The following CNTNAP3B variants were observed in gnomAD, a reference collection of about 807,000 sequenced individuals.
The protein encoded by CNTNAP3B is contactin associated protein family member 3B.
In CNTNAP3B, 25 loss-of-function variants were observed where a neutral mutation model predicts 108.9. The observed-to-expected ratio is 0.23, with a 90% CI of 0.17 to 0.32. The LOEUF is 0.32. CNTNAP3B is among the 10% of genes least tolerant of loss of function. The pLI is 1.00. For synonymous variants in CNTNAP3B, 103 were observed against 473.4 expected (o/e 0.22, Z 10.16); for missense variants, 252 against 1,210.4 (o/e 0.21, Z 11.75).
intron 13 of CNTNAP3B, among the ~76,000 whole-genome samples, chr9:41,943,872 T>C (rs1374273107): frequency 6.6e-6 from 1 of 152,276 alleles, no homozygotes; most frequent in Non-Finnish European, 1.5e-5. Context: ...CATATTCAAA[T>C]TGCAAAAAAT....
chr9:41,955,608 G>T (rs1824833287), intron 12 of CNTNAP3B, among the ~76,000 whole-genome samples: 1 of 152,210 alleles, frequency 6.6e-6, no homozygotes, highest in Non-Finnish European at 1.5e-5. Context: ...ATAGTTTACT[G>T]CAGCCTCGAC....
At chr9:41,921,111 G>T (rs1403657869) in intron 17 of CNTNAP3B, among the ~76,000 whole-genome samples, 4 of 152,308 alleles carry the variant, frequency 2.6e-5, no homozygotes, top group Non-Finnish European at 2.9e-5. Context: ...GGCCTAAGGT[G>T]GGGGCCCCAA....
At chr9:42,112,911 C>A (rs1211346628) in intron 1 of CNTNAP3B, among the ~76,000 whole-genome samples, 1 of 125,866 alleles carries the variant, frequency 7.9e-6, no homozygotes, top group Non-Finnish European at 1.6e-5. Context: ...GCCCTGTCGC[C>A]CAGGCTAAAT....
intron 13 of CNTNAP3B, among the ~76,000 whole-genome samples, chr9:41,945,180 AG>A (rs1306939656): frequency 6.6e-6 from 1 of 152,186 alleles, no homozygotes; most frequent in Non-Finnish European, 1.5e-5. Flanking sequence ...ACTGTAAACT[AG>A]TTCAACCATT....
chr9:41,955,748 C>A (rs1309160648), intron 12 of CNTNAP3B, among the ~76,000 whole-genome samples: 4 of 152,296 alleles, frequency 2.6e-5, no homozygotes, highest in Admixed American at 2.6e-4. Context: ...AGGAGGGTAA[C>A]TGTAACACGT....
chr9:42,056,505 C>T (rs1441806927), intron 3 of CNTNAP3B, among the ~76,000 whole-genome samples: 9 of 137,506 alleles, frequency 6.5e-5, no homozygotes, highest in African/African-American at 2.6e-4. Flanking sequence ...CGCCCGCCAC[C>T]ACACCTGGCT....
chr9:42,122,062 C>A (rs1189640729), intron 1 of CNTNAP3B, among the ~76,000 whole-genome samples: 2 of 139,868 alleles, frequency 1.4e-5, no homozygotes, highest in Admixed American at 7.1e-5. Flanking sequence ...AAGTGAGGAG[C>A]CCTGAGCTTA....
rs1320655037 is a variant in CNTNAP3B at position 42,097,726 on chromosome 9, C to T, written c.196+6903G>A. 5.2e-5 allele frequency among the ~76,000 whole-genome samples: 7 copies of T among 135,750 alleles called. No individual in the cohort carries two copies. The South Asian group carries it at 7.2e-4, about 14-fold the overall frequency. 89.1% of individuals were successfully genotyped at this position (135,750 alleles called of 152,430 possible). A position where few individuals can be genotyped will look rare whatever the true frequency, so the allele number is the denominator to read the frequency against. ...CAAAATTTACTAGACCACCTTCTTA[C>T]GTATGGCAGTGGGCATTAGGTGGCT... On this transcript the variant is annotated intron_variant, in intron 2 of 23. Transcript: ENST00000377561.
intron 1 of CNTNAP3B, among the ~76,000 whole-genome samples, chr9:42,119,318 T>G (rs1296277836): frequency 5.4e-5 from 7 of 128,882 alleles, no homozygotes; most frequent in South Asian, 5.2e-4. Context: ...CACTGCTCAA[T>G]GAAATAAAAG....
In CNTNAP3B at chr9:42,117,929, A is replaced by G. The variant is rs1475799125; in HGVS notation, c.85+11081T>C. On this transcript the variant is annotated intron_variant, in intron 1 of 23. Transcript: ENST00000377561. ...ACAAATAAACTAGAAAATCTAGAAG[A>G]AATGGATAAATTCCTCGACACATAC... Among the ~76,000 whole-genome samples the G allele has an allele frequency of 9.3e-5, 13 of 139,452 alleles. 3 individuals carry two copies. The highest frequency in any genetic ancestry group is 3.7e-4 in the African/African-American group (13 of 35,324). The allele number at this position is 139,452 out of a possible 152,430, so 91.5% of individuals were successfully genotyped here. A position where few individuals can be genotyped will look rare whatever the true frequency, so the allele number is the denominator to read the frequency against.
chr9:42,001,465 A>G, intron 4 of CNTNAP3B, among the ~76,000 whole-genome samples: 1 of 134,856 alleles, frequency 7.4e-6, no homozygotes, highest in Non-Finnish European at 1.6e-5. Context: ...TTCCCCTACA[A>G]TATATATTTG....
intron 15 of CNTNAP3B, among the ~76,000 whole-genome samples, chr9:41,924,757 C>T (rs1823766693): frequency 6.6e-6 from 1 of 152,164 alleles, no homozygotes; most frequent in Non-Finnish European, 1.5e-5. Flanking sequence ...CCCTTCTGTC[C>T]AAAACCCATC....
At chr9:41,954,977 C>T (rs1272779190) in intron 12 of CNTNAP3B, among the ~76,000 whole-genome samples, 689 of 151,672 alleles carry the variant, frequency 4.5e-3, no homozygotes, top group African/African-American at 0.015. Context: ...TGAGCCACCA[C>T]GCCTGGCCTC....
rs1351168474 is a variant in CNTNAP3B, at chr9:41,983,977, C to T, written c.1477+2191G>A. Among the ~76,000 whole-genome samples, 13 of 99,076 alleles carry T rather than the reference C, an allele frequency of 1.3e-4. 4 individuals carry two copies. The highest frequency in any genetic ancestry group is 9.1e-4 in the South Asian group (3 of 3,300). 65.0% of individuals were successfully genotyped at this position (99,076 alleles called of 152,430 possible). A position where few individuals can be genotyped will look rare whatever the true frequency, so the allele number is the denominator to read the frequency against. On this transcript the variant is annotated intron_variant, in intron 9 of 23. Coordinates refer to ENST00000377561, the MANE Select transcript of CNTNAP3B (RefSeq NM_001201380.3). ...AGGCAGGAGAATGGCGTGAACCTGG[C>T]GGTGCAGAGCTTGCAGTGAGCCGAG... is the stretch of plus-strand genomic sequence containing the variant.
rs1828230843 is a variant in CNTNAP3B, at chr9:42,113,153, A to C, written c.86-8414T>G. Among the ~76,000 whole-genome samples, 2 of 135,352 alleles carry C rather than the reference A, an allele frequency of 1.5e-5. 1 individual carries two copies. Among genetic ancestry groups the C allele is most frequent in the Admixed American group, 1.5e-4 (2 of 13,464 alleles). 88.8% of individuals were successfully genotyped at this position (135,352 alleles called of 152,430 possible). ...ATTTAAACATGTGGAGAGATGAAGG[A>C]GATGGGATGGGAAAATCTGCATATG... On this transcript the variant is annotated intron_variant, in intron 1 of 23. Transcript: ENST00000377561.
Position 42,097,322 on chromosome 9 carries a change from C to T in CNTNAP3B, c.196+7307G>A, listed in dbSNP as rs919934443. 1.8e-4 allele frequency among the ~76,000 whole-genome samples: 25 copies of T among 140,176 alleles called. 5 individuals are homozygous for T. Among genetic ancestry groups the T allele is most frequent in the African/African-American group, 5.4e-4 (19 of 35,512 alleles). 92.0% of individuals were successfully genotyped at this position (140,176 alleles called of 152,430 possible). A position where few individuals can be genotyped will look rare whatever the true frequency, so the allele number is the denominator to read the frequency against. On this transcript the variant is annotated intron_variant, in intron 2 of 23. Transcript: ENST00000377561. Reference sequence around the variant, plus strand: ...AGTTCCAATTTTCAAACATTCCTCCCGCACCGCCTGTTCAGTTGCCTGGGT... The same window carrying T: ...AGTTCCAATTTTCAAACATTCCTCCTGCACCGCCTGTTCAGTTGCCTGGGT...
intron 6 of CNTNAP3B, among the ~76,000 whole-genome samples, chr9:41,997,180 C>T (rs1373951765): frequency 8.1e-5 from 12 of 147,598 alleles, no homozygotes; most frequent in Admixed American, 6.8e-5. Context: ...CTAAATAATG[C>T]TATGTTGGTT....
At chr9:41,935,063 A>C (rs1468111147) in intron 14 of CNTNAP3B, among the ~76,000 whole-genome samples, 2 of 152,364 alleles carry the variant, frequency 1.3e-5, no homozygotes, top group East Asian at 3.8e-4. Flanking sequence ...ATATTGGTCT[A>C]TTTGAACATA....
chr9:41,973,655 T>C (rs1480827474), intron 9 of CNTNAP3B, among the ~76,000 whole-genome samples: 1 of 136,558 alleles, frequency 7.3e-6, no homozygotes, highest in Non-Finnish European at 1.6e-5. Context: ...TAAAAGAATT[T>C]GACCTTCAGT....
Sources: gnomAD v4.1 joint callset for allele counts (sites outside exome capture counted in the v4.1 genomes callset) on GRCh38, gnomAD v4.1.1 for gene constraint, MANE v1.5 for transcripts, NCBI Gene and HGNC (gene_info 2026-07-23, HGNC 2026-07-21) for gene names.